Variants in DLGAP2 observed in about 807,000 individuals in gnomAD.
DLGAP2 encodes disks large-associated protein 2.
DLGAP2 carries 26 observed loss-of-function variants against 100.3 expected under a neutral mutation model. That is an observed-to-expected ratio of 0.26 (90% CI 0.19 to 0.36). The LOEUF (loss-of-function observed/expected upper bound fraction) is 0.36, where lower values mean the gene tolerates loss of function less well. DLGAP2 is among the 10% of genes least tolerant of loss of function. DLGAP2 has a pLI of 1.00. For missense variants in DLGAP2, 1,858 were observed against 1,453.2 expected (o/e 1.28, Z -4.53); for synonymous variants, 886 against 630.1 (o/e 1.41, Z -6.08).
intron 3 of DLGAP2, among the ~76,000 whole-genome samples, chr8:1,350,072 A>G (rs909189): frequency 0.21 from 32,022 of 152,230 alleles, 4,130 homozygotes; most frequent in Admixed American, 0.3. Flanking sequence ...ATATTAAACC[A>G]TTTATAAGGT....
At chr8:1,586,587 G>T (rs1212286666) in intron 6 of DLGAP2, among the ~76,000 whole-genome samples, 1 of 152,154 alleles carries the variant, frequency 6.6e-6, no homozygotes, top group Non-Finnish European at 1.5e-5. Flanking sequence ...CTTCATGCCC[G>T]CTTGATGTGT....
At chr8:810,178 A>G (rs1043206895) in intron 1 of DLGAP2, among the ~76,000 whole-genome samples, 31 of 152,188 alleles carry the variant, frequency 2.0e-4, no homozygotes, top group Non-Finnish European at 3.4e-4. Flanking sequence ...TTCCACAGTG[A>G]ATCTCATGCT....
intron 2 of DLGAP2, among the ~76,000 whole-genome samples, chr8:1,164,422 C>T (rs1000790997): frequency 8.4e-6 from 1 of 118,898 alleles, no homozygotes; most frequent in African/African-American, 3.0e-5. Context: ...TCTGGAGCTG[C>T]GATTCAGCCC....
intron 6 of DLGAP2, among the ~76,000 whole-genome samples, chr8:1,589,237 C>T (rs553444215): frequency 1.3e-5 from 2 of 152,204 alleles, no homozygotes; most frequent in South Asian, 2.1e-4. Flanking sequence ...TCTAGGCCCC[C>T]TAGCAACCTA....
intron 2 of DLGAP2, among the ~76,000 whole-genome samples, chr8:1,033,381 G>T (rs1178875806): frequency 6.6e-6 from 1 of 152,200 alleles, no homozygotes; most frequent in African/African-American, 2.4e-5. Context: ...GCTTAGCTGG[G>T]GGTTGGGGGT....
At chr8:859,633 A>G (rs1797351713) in intron 1 of DLGAP2, among the ~76,000 whole-genome samples, 1 of 152,210 alleles carries the variant, frequency 6.6e-6, no homozygotes, top group African/African-American at 2.4e-5. Context: ...GGATGAAGTC[A>G]GCTGTCTCAG....
chr8:745,516 A>G (rs1217260442), intron 1 of DLGAP2, among the ~76,000 whole-genome samples: 1 of 152,226 alleles, frequency 6.6e-6, no homozygotes, highest in Non-Finnish European at 1.5e-5. Context: ...TTTTCTCAAG[A>G]GTCGCAGCAC....
chr8:1,685,910 C>G (rs1301375273), intron 12 of DLGAP2, among the ~76,000 whole-genome samples: 1 of 152,106 alleles, frequency 6.6e-6, no homozygotes, highest in Non-Finnish European at 1.5e-5. Context: ...GCTATTATCA[C>G]AAAGACAAAA....
At chr8:1,171,546 G>T (rs894158219) in intron 2 of DLGAP2, among the ~76,000 whole-genome samples, 5 of 152,020 alleles carry the variant, frequency 3.3e-5, no homozygotes, top group Admixed American at 2.6e-4. Flanking sequence ...CTCAGGACTT[G>T]CTTTATGAAT....
rs1257263145 is a variant in DLGAP2, at chr8:1,200,035, G to A, written c.74-58816G>A. ...GTGGAAAAGTGTGGGGAGGCTGGGGGTGACCCCGAGAACAGGAGGATGAGG... is the reference window on the plus strand; with the variant it reads ...GTGGAAAAGTGTGGGGAGGCTGGGGATGACCCCGAGAACAGGAGGATGAGG... On this transcript the variant is annotated intron_variant, in intron 2 of 14. Coordinates refer to ENST00000637795, the MANE Select transcript of DLGAP2 (RefSeq NM_001346810.2). 4.6e-5 allele frequency among the ~76,000 whole-genome samples: 7 copies of A among 152,274 alleles called. 1 individual carries two copies. The highest frequency in any genetic ancestry group is 1.7e-4 in the African/African-American group (7 of 41,566).
intron 2 of DLGAP2, among the ~76,000 whole-genome samples, chr8:985,930 A>G (rs946091369): frequency 6.6e-6 from 1 of 152,134 alleles, no homozygotes; most frequent in South Asian, 2.1e-4. Flanking sequence ...CCCTCCCTGA[A>G]GATGCTCTTG....
rs562058611 is a variant in DLGAP2 at position 1,172,856 on chromosome 8, C to T, written c.74-85995C>T. Among the ~76,000 whole-genome samples the T allele has an allele frequency of 1.9e-3, 292 of 152,272 alleles. 2 individuals carry two copies. The highest frequency in any genetic ancestry group is 3.1e-3 in the Non-Finnish European group (213 of 68,024). ...TTCCTCCTGTAGCTCGTAGTTTGAT[C>T]GTCTGAACCCTTCTTCTCTCATCTC... On this transcript the variant is annotated intron_variant, in intron 2 of 14. Coordinates refer to ENST00000637795, the MANE Select transcript of DLGAP2 (RefSeq NM_001346810.2).
At chr8:1,196,558 A>C (rs966551259) in intron 2 of DLGAP2, among the ~76,000 whole-genome samples, 1 of 152,208 alleles carries the variant, frequency 6.6e-6, no homozygotes, top group African/African-American at 2.4e-5. Flanking sequence ...TGATAAGCAA[A>C]AGAATAATGA....
intron 1 of DLGAP2, among the ~76,000 whole-genome samples, chr8:892,059 T>C (rs1345450045): frequency 4.6e-5 from 7 of 152,032 alleles, no homozygotes; most frequent in Non-Finnish European, 1.0e-4. Context: ...TAATAGCAAG[T>C]GTTGGGAGGA....
intron 1 of DLGAP2, among the ~76,000 whole-genome samples, chr8:773,744 T>C (rs1455430477): frequency 6.6e-6 from 1 of 152,182 alleles, no homozygotes; most frequent in Non-Finnish European, 1.5e-5. Flanking sequence ...ATCCAGTCTA[T>C]CATTGTTGGA....
intron 2 of DLGAP2, among the ~76,000 whole-genome samples, chr8:1,113,189 T>C (rs1289984872): frequency 6.6e-6 from 1 of 152,218 alleles, no homozygotes; most frequent in Non-Finnish European, 1.5e-5. Flanking sequence ...ATTTGGGCTT[T>C]TTTTTGGTTC....
In DLGAP2 at chr8:1,504,831, A is replaced by G. The variant is rs146124961; in HGVS notation, c.172+3400A>G. ...GGCTGTGGTGAACAGCATCTTAACG[A>G]ACACGAGAGAGCAGATACCCCTTCC... On this transcript the variant is annotated intron_variant, in intron 4 of 14. Coordinates refer to ENST00000637795, the MANE Select transcript of DLGAP2 (RefSeq NM_001346810.2). 4.8e-3 allele frequency among the ~76,000 whole-genome samples: 732 copies of G among 152,326 alleles called. 2 individuals are homozygous for G. Among genetic ancestry groups the G allele is most frequent in the Middle Eastern group, 0.017 (5 of 294 alleles).
chr8:1,193,202 T>C (rs186260836), intron 2 of DLGAP2, among the ~76,000 whole-genome samples: 1 of 152,186 alleles, frequency 6.6e-6, no homozygotes, highest in East Asian at 1.9e-4. Flanking sequence ...ATGGGATTGC[T>C]GGGTCAAATG....
At chr8:1,248,181 C>T (rs867249595) in intron 2 of DLGAP2, among the ~76,000 whole-genome samples, 1 of 53,672 alleles carries the variant, frequency 1.9e-5, no homozygotes, top group East Asian at 5.1e-4. Context: ...CATCGGTGGC[C>T]GGGAAGACCT....
Sources: gnomAD v4.1 joint callset for allele counts (sites outside exome capture counted in the v4.1 genomes callset) on GRCh38, gnomAD v4.1.1 for gene constraint, MANE v1.5 for transcripts, NCBI Gene and HGNC (gene_info 2026-07-23, HGNC 2026-07-21) for gene names.